BCR: variants seen among roughly 807,000 people sequenced by gnomAD.
The protein encoded by BCR is BCR activator of RhoGEF and GTPase, also known as breakpoint cluster region protein.
In BCR, 58 loss-of-function variants were observed where a neutral mutation model predicts 138.6. The ratio of observed to expected loss-of-function variants is 0.42; its 90% CI spans 0.34 to 0.52. The LOEUF (loss-of-function observed/expected upper bound fraction) is 0.52. Ranked by LOEUF, BCR falls within the 20% of genes least tolerant of loss-of-function variation. BCR has a pLI of 0.06. For missense variants in BCR, 1,599 were observed against 1,727.2 expected, an observed-to-expected ratio of 0.93 and a Z score of 1.32; for synonymous variants, 786 against 730.1, an observed-to-expected ratio of 1.08 and a Z score of -1.23.
At position 23,273,717 on chromosome 22, in the gene BCR, C is replaced by T. The variant is rs1344238330; in HGVS notation, c.2058C>T (p.Ser686=). 1 of 1,614,158 alleles carries T rather than the reference C, an allele frequency of 6.2e-7. No individual in the cohort carries two copies. The highest frequency in any genetic ancestry group is 8.5e-7 in the Non-Finnish European group (1 of 1,180,042). Residue 686 remains serine, a synonymous_variant, in exon 8 of 23, where the codon TCC becomes TCT. Coordinates refer to ENST00000305877, the MANE Select transcript of BCR (RefSeq NM_004327.4). ...DALRISQNFL[S]SINEEITPRR... ...TCCGCATCTCACAGAACTTCCTGTC[C>T]AGCATCAATGAGGAGATCACACCCC...
At chr22:23,212,532 A>G (rs57404746) in intron 1 of BCR, among the ~76,000 whole-genome samples, 8 of 152,334 alleles carry the variant, frequency 5.3e-5, no homozygotes, top group African/African-American at 1.9e-4. Flanking sequence ...TAAGGCCTGA[A>G]GTAAGCCCCC....
intron 16 of BCR, among the ~76,000 whole-genome samples, chr22:23,299,284 C>T (rs1459638406): frequency 6.6e-6 from 1 of 152,212 alleles, no homozygotes; most frequent in East Asian, 1.9e-4. Flanking sequence ...ACGCCTAGCT[C>T]CAAGACTGTT....
intron 16 of BCR, among the ~76,000 whole-genome samples, chr22:23,308,982 A>C (rs1445157520): frequency 2.0e-5 from 3 of 152,102 alleles, no homozygotes; most frequent in Non-Finnish European, 4.4e-5. Flanking sequence ...CTCCCGCCAC[A>C]AGCTGTTCAT....
At chr22:23,286,996 G>A (rs1307279221) in intron 10 of BCR, among the ~76,000 whole-genome samples, 163 bp from the exon 11 acceptor site, 1 of 152,208 alleles carries the variant, frequency 6.6e-6, no homozygotes, top group Non-Finnish European at 1.5e-5. Flanking sequence ...TCCTCCAGAG[G>A]CCACCAGCAA....
intron 3 of BCR, 90 bp downstream of exon 3, chr22:23,261,144 G>C: frequency 1.5e-6 from 2 of 1,373,706 alleles, no homozygotes; most frequent in Non-Finnish European, 1.0e-6. Flanking sequence ...CAGGTCAGCT[G>C]TCAGAGCCTG....
chr22:23,254,613 G>T (rs565763898), intron 2 of BCR: 2 of 518,942 alleles, frequency 3.9e-6, no homozygotes, highest in Admixed American at 1.9e-5. Context: ...TTGCAGGCTG[G>T]ATGGTGCTGG....
At chr22:23,188,745 A>G (rs970405941) in intron 1 of BCR, among the ~76,000 whole-genome samples, 1 of 150,450 alleles carries the variant, frequency 6.6e-6, no homozygotes, top group African/African-American at 2.4e-5. Flanking sequence ...CTGGAATACA[A>G]CTGTTGTGGC....
chr22:23,292,210 T>C lies in BCR; in HGVS notation c.2783-331T>C, dbSNP rs2073795766. On this transcript the variant is annotated intron_variant, in intron 14 of 22. Transcript: ENST00000305877. ...GTGGCATCACTGTGTAACAATGGCG[T>C]GTACACCTCTCTGTCCCCACCAGTG... 2.0e-5 allele frequency among the ~76,000 whole-genome samples: 3 copies of C among 152,148 alleles called. No individual in the cohort carries two copies. In the South Asian group the frequency reaches 6.2e-4, roughly 32 times the overall value.
intron 8 of BCR, among the ~76,000 whole-genome samples, chr22:23,276,282 C>G (rs1275332881): frequency 3.3e-5 from 5 of 152,094 alleles, no homozygotes; most frequent in Non-Finnish European, 7.3e-5. Flanking sequence ...ACCTGTAGTC[C>G]CAGCTACTCA....
At position 23,181,056 on chromosome 22, in the gene BCR, GC is replaced by G; in HGVS notation, c.97del (p.Gln33ArgfsTer17). On this transcript the variant is annotated frameshift_variant, in exon 1 of 23. Coordinates refer to ENST00000305877, the MANE Select transcript of BCR (RefSeq NM_004327.4). LOFTEE classifies it high-confidence loss of function. ...AGCTGCGCTCAGTGGGCGACATCGA[GC>G]AGGAGCTGGAGCGCTGCAAGGCCTC... ...MELRSVGDIE[Q>X]ELERCKASIR... 6.6e-7 allele frequency: 1 copy of G among 1,519,550 alleles called. No individual in the cohort carries two copies. The highest frequency in any genetic ancestry group is 8.9e-7 in the Non-Finnish European group (1 of 1,128,154). 94.1% of individuals were successfully genotyped at this position (1,519,550 alleles called of 1,614,324 possible).
At chr22:23,267,831 C>T (rs1422414444) in intron 4 of BCR, among the ~76,000 whole-genome samples, 5 of 152,236 alleles carry the variant, frequency 3.3e-5, no homozygotes, top group Non-Finnish European at 5.9e-5. Context: ...CGCCTTACAG[C>T]CGGTCGGTCT....
At chr22:23,209,088 G>T (rs934291872) in intron 1 of BCR, among the ~76,000 whole-genome samples, 1 of 151,730 alleles carries the variant, frequency 6.6e-6, no homozygotes, top group Non-Finnish European at 1.5e-5. Context: ...AGCCGGGCGC[G>T]GTGGCTCACG....
Position 23,313,082 on chromosome 22 carries a change from G to T in BCR, c.3457+61G>T. 2.0e-6 allele frequency: 3 copies of T among 1,532,622 alleles called. No individual in the cohort carries two copies. The South Asian group carries it at 3.5e-5, about 18-fold the overall frequency. The allele number at this position is 1,532,622 out of a possible 1,614,324, so 94.9% of individuals were successfully genotyped here. ...CTCCTCCACGTGCACTGCTGCCCTT[G>T]GAGGCTGTGAAAAGTGAGGTGTGGG... On this transcript the variant is annotated intron_variant, in intron 20 of 22. Coordinates refer to ENST00000305877, the MANE Select transcript of BCR (RefSeq NM_004327.4).
intron 4 of BCR, chr22:23,263,181 T>C (rs2073390135): frequency 1.2e-6 from 1 of 836,972 alleles, no homozygotes; most frequent in East Asian, 2.7e-5. Flanking sequence ...GGCTCGGGAG[T>C]CAGCCGCCTG....
At chr22:23,230,007 C>T (rs2072937851) in intron 1 of BCR, among the ~76,000 whole-genome samples, 1 of 151,150 alleles carries the variant, frequency 6.6e-6, no homozygotes, top group South Asian at 2.1e-4. Context: ...AGGATTTCTC[C>T]TTCCTGGGCT....
chr22:23,188,061 G>A (rs2072369219), intron 1 of BCR, among the ~76,000 whole-genome samples: 1 of 152,214 alleles, frequency 6.6e-6, no homozygotes, highest in Non-Finnish European at 1.5e-5. Context: ...GCAGAGAAAG[G>A]TCACCTGGGC....
Position 23,314,491 on chromosome 22 carries a change from C to T in BCR, c.3564-61C>T. ...CCTGAGAACTCCAGCACAGCCCAGC[C>T]CCTCTGCCTCTCTCCTGGGGGTGGC... On this transcript the variant is annotated intron_variant, in intron 21 of 22. Transcript: ENST00000305877. The T allele has an allele frequency of 1.9e-6, 3 of 1,587,646 alleles. No individual in the cohort carries two copies. In the South Asian group the frequency reaches 3.4e-5, roughly 18 times the overall value.
chr22:23,209,891 A>G (rs1462429318), intron 1 of BCR, among the ~76,000 whole-genome samples: 1 of 152,156 alleles, frequency 6.6e-6, no homozygotes, highest in Non-Finnish European at 1.5e-5. Context: ...TAGCCCCCTG[A>G]GTAACTGTGA....
intron 19 of BCR, chr22:23,312,048 C>T (rs1280032260): frequency 1.0e-6 from 1 of 958,984 alleles, no homozygotes; most frequent in Non-Finnish European, 1.5e-6. Context: ...ATGCATGCCA[C>T]TTGCTGGGGT....
Sources: gnomAD v4.1 joint callset for allele counts (sites outside exome capture counted in the v4.1 genomes callset) on GRCh38, gnomAD v4.1.1 for gene constraint, MANE v1.5 for transcripts, NCBI Gene and HGNC (gene_info 2026-07-23, HGNC 2026-07-21) for gene names.